Variants in PRKN observed in about 807,000 individuals in gnomAD.
PRKN encodes E3 ubiquitin-protein ligase parkin.
Under a neutral mutation model 59.5 loss-of-function variants are expected in PRKN, and 56 were observed. The observed-to-expected ratio is 0.94, with a 90% CI of 0.76 to 1.18. PRKN has a LOEUF of 1.18. PRKN is among the 50% of genes most tolerant of loss of function. PRKN has a pLI of 0.00. For missense variants in PRKN, 657 were observed against 596.4 expected, an observed-to-expected ratio of 1.10 and a Z score of -1.06; for synonymous variants, 250 against 222.1, an observed-to-expected ratio of 1.13 and a Z score of -1.12.
rs914832964 is a variant in PRKN at position 161,575,762 on chromosome 6, C to T, written c.872-6346G>A. Among the ~76,000 whole-genome samples the T allele has an allele frequency of 1.3e-4, 20 of 152,288 alleles. No homozygotes were observed. The highest frequency in any genetic ancestry group is 3.4e-3 in the Middle Eastern group (1 of 294). ...CAGATTGCTGCTGTTTGGTGCGAAA[C>T]GCTTTGAGGATTAATTTCTCTCTCG... On this transcript the variant is annotated intron_variant, in intron 7 of 11. Coordinates refer to ENST00000366898, the MANE Select transcript of PRKN (RefSeq NM_004562.3). This position sits in a 1 kb window ranked among gnomAD's most constrained non-coding sequence, Gnocchi z 4.6.
intron 7 of PRKN, among the ~76,000 whole-genome samples, chr6:161,693,406 T>G (rs1251728754): frequency 6.6e-6 from 1 of 152,182 alleles, no homozygotes; most frequent in Non-Finnish European, 1.5e-5. Flanking sequence ...AGGTGATGGT[T>G]GACTACAGGT....
At chr6:162,049,797 G>A (rs747029043) in intron 5 of PRKN, among the ~76,000 whole-genome samples, 2 of 151,938 alleles carry the variant, frequency 1.3e-5, no homozygotes, top group African/African-American at 2.4e-5. Context: ...CCTAAAACAC[G>A]ACCAGTTGTT....
At chr6:161,427,147 T>C (rs1396855570) in intron 9 of PRKN, among the ~76,000 whole-genome samples, 2 of 152,096 alleles carry the variant, frequency 1.3e-5, no homozygotes, top group African/African-American at 4.8e-5. Context: ...GCCTCCCTGG[T>C]AGCTGGGACT....
chr6:161,412,727 T>C (rs4709515), intron 9 of PRKN, among the ~76,000 whole-genome samples: 64,507 of 144,124 alleles, frequency 0.45, 14,883 homozygotes, highest in East Asian at 0.88. Context: ...CATTCCTCCA[T>C]TCTATAATTC....
intron 2 of PRKN, among the ~76,000 whole-genome samples, chr6:162,269,862 G>A (rs776440901): frequency 4.6e-5 from 7 of 152,122 alleles, no homozygotes; most frequent in Non-Finnish European, 5.9e-5. Flanking sequence ...TAAAAAAATC[G>A]AAAACAGTAG....
chr6:161,890,304 C>T (rs1795294980), intron 6 of PRKN, among the ~76,000 whole-genome samples: 1 of 152,104 alleles, frequency 6.6e-6, no homozygotes, highest in Non-Finnish European at 1.5e-5. Flanking sequence ...GCAAACTTCC[C>T]TTTTTTCCTT....
At chr6:161,911,057 T>C (rs1778343443) in intron 6 of PRKN, among the ~76,000 whole-genome samples, 1 of 152,234 alleles carries the variant, frequency 6.6e-6, no homozygotes, top group African/African-American at 2.4e-5. Flanking sequence ...GGTCTGTAAC[T>C]GAAACTGCAT....
At chr6:161,869,518 T>G (rs1244600091) in intron 6 of PRKN, among the ~76,000 whole-genome samples, 1 of 152,206 alleles carries the variant, frequency 6.6e-6, no homozygotes, top group Non-Finnish European at 1.5e-5. Context: ...AATGATTATA[T>G]TTTTTAGTAT....
intron 2 of PRKN, among the ~76,000 whole-genome samples, chr6:162,327,220 T>A (rs1433550194): frequency 6.6e-6 from 1 of 152,168 alleles, no homozygotes; most frequent in African/African-American, 2.4e-5. Flanking sequence ...GAGAAAAATA[T>A]ATGAGGTGTG....
intron 7 of PRKN, among the ~76,000 whole-genome samples, chr6:161,587,127 C>T (rs1343886229): frequency 6.6e-6 from 1 of 152,190 alleles, no homozygotes; most frequent in Non-Finnish European, 1.5e-5. Context: ...GATACTTACA[C>T]ACCACAAAAT....
chr6:162,398,036 C>CAAAAA (rs10707854), intron 2 of PRKN, among the ~76,000 whole-genome samples: 2 of 83,760 alleles, frequency 2.4e-5, no homozygotes, highest in East Asian at 4.5e-4. Context: ...GATTCTGACT[C>CAAAAA]AAAAAAAAAA....
chr6:162,115,962 T>A (rs1253953539), intron 4 of PRKN, among the ~76,000 whole-genome samples: 1 of 152,210 alleles, frequency 6.6e-6, no homozygotes, highest in Non-Finnish European at 1.5e-5. Flanking sequence ...ATGTTTTACT[T>A]CCCGTCTCTA....
chr6:161,820,137 A>G (rs531818886), intron 6 of PRKN, among the ~76,000 whole-genome samples: 1 of 152,232 alleles, frequency 6.6e-6, no homozygotes, highest in Non-Finnish European at 1.5e-5. Flanking sequence ...AAACTTTTTT[A>G]CCAGAAAGAG....
chr6:161,831,654 T>G (rs1332862876), intron 6 of PRKN, among the ~76,000 whole-genome samples: 1 of 152,222 alleles, frequency 6.6e-6, no homozygotes, highest in Non-Finnish European at 1.5e-5. Flanking sequence ...GGACTCTTAC[T>G]GTCCAGTCTC....
In PRKN at chr6:162,258,860, C is replaced by A. The variant is rs922622947; in HGVS notation, c.412+3665G>T. Among the ~76,000 whole-genome samples, 24 of 152,218 alleles carry A rather than the reference C, an allele frequency of 1.6e-4. 1 individual carries two copies. Among genetic ancestry groups the A allele is most frequent in the African/African-American group, 5.8e-4 (24 of 41,468 alleles). ...TGCGTTCTTAGTACCAACAGTGTAA[C>A]TGGTTCTTCATGTACATCATGTTAT... On this transcript the variant is annotated intron_variant, in intron 3 of 11. Transcript: ENST00000366898.
intron 1 of PRKN, among the ~76,000 whole-genome samples, chr6:162,616,402 T>C (rs892633228): frequency 6.6e-6 from 1 of 152,174 alleles, no homozygotes; most frequent in Non-Finnish European, 1.5e-5. Flanking sequence ...GCACAACTTC[T>C]GCCCCACCCC....
At chr6:161,891,233 C>G (rs1795332122) in intron 6 of PRKN, among the ~76,000 whole-genome samples, 1 of 152,174 alleles carries the variant, frequency 6.6e-6, no homozygotes. Context: ...CCCCTGGGGG[C>G]TCTGCTAGTT....
At chr6:161,632,654 C>G (rs1456978801) in intron 7 of PRKN, among the ~76,000 whole-genome samples, 2 of 152,152 alleles carry the variant, frequency 1.3e-5, no homozygotes, top group African/African-American at 2.4e-5. Flanking sequence ...ATGCTCAAGA[C>G]TGGGTAATTT....
intron 9 of PRKN, among the ~76,000 whole-genome samples, chr6:161,430,684 G>A (rs577292948): frequency 1.3e-4 from 19 of 151,530 alleles, no homozygotes; most frequent in South Asian, 4.2e-4. Flanking sequence ...GCATAGTGGC[G>A]GGCGCCTGTA....
Sources: allele counts gnomAD v4.1 joint callset (sites outside exome capture counted in the v4.1 genomes callset), GRCh38; gene constraint gnomAD v4.1.1; non-coding constraint Gnocchi (gnomAD v3.1); transcripts MANE v1.5; gene names NCBI Gene and HGNC (gene_info 2026-07-23, HGNC 2026-07-21).